The following STAU1 variants were observed in gnomAD, a reference collection of about 807,000 sequenced individuals.
The protein encoded by STAU1 is staufen double-stranded RNA binding protein 1, also known as double-stranded RNA-binding protein Staufen homolog 1.
STAU1 carries 13 observed loss-of-function variants against 62.9 expected under a neutral mutation model. The observed-to-expected ratio is 0.21, with a 90% CI of 0.13 to 0.33. STAU1 has a LOEUF of 0.33. Among genes scored for constraint, STAU1 ranks in the 10% least tolerant of loss-of-function variants. The probability of loss-of-function intolerance (pLI) is 1.00; values close to 1 mark genes in which losing one functional copy is unlikely to be tolerated. For missense variants in STAU1, 571 were observed against 712.1 expected, an observed-to-expected ratio of 0.80 and a Z score of 2.25; for synonymous variants, 269 against 265.1, an observed-to-expected ratio of 1.01 and a Z score of -0.14.
At chr20:49,134,229 C>T (rs576580590) in intron 6 of STAU1, among the ~76,000 whole-genome samples, 2 of 151,922 alleles carry the variant, frequency 1.3e-5, no homozygotes, top group Admixed American at 6.6e-5. Flanking sequence ...GTTAGGAGTT[C>T]GAGACCAGCC....
At chr20:49,188,373 G>A (rs1417996330), upstream of STAU1, 1 of 151,956 alleles carries the variant, frequency 6.6e-6, no homozygotes, top group African/African-American at 2.4e-5. Context: ...GAAGTGACGG[G>A]GGAGGGGCAG....
chr20:49,169,081 C>T (rs1002613183), intron 2 of STAU1, among the ~76,000 whole-genome samples: 1 of 151,690 alleles, frequency 6.6e-6, no homozygotes, highest in African/African-American at 2.4e-5. Context: ...CTCCCGAGTA[C>T]TTAGGATTAC....
intron 1 of STAU1, among the ~76,000 whole-genome samples, chr20:49,175,546 G>A (rs1166530187): frequency 1.3e-5 from 2 of 150,574 alleles, no homozygotes; most frequent in African/African-American, 4.9e-5. Context: ...GTGGCGTGAT[G>A]TCGGCTCCCT....
chr20:49,163,279 TTTTA>T (rs1249648743), intron 3 of STAU1, among the ~76,000 whole-genome samples: 3 of 152,158 alleles, frequency 2.0e-5, no homozygotes, highest in African/African-American at 7.2e-5. Context: ...AGAATATTGT[TTTTA>T]TTTATTATCC....
the STAU1 span, among the ~76,000 whole-genome samples, chr20:49,199,060 C>T: frequency 6.6e-6 from 1 of 150,826 alleles, no homozygotes; most frequent in African/African-American, 2.4e-5. Context: ...GCAGGAGAAT[C>T]ACTTGAACCC....
In STAU1 at chr20:49,142,423, C is replaced by T. The variant is rs1005564346; in HGVS notation, c.511-6492G>A. Among the ~76,000 whole-genome samples, 9 of 152,216 alleles carry T rather than the reference C, an allele frequency of 5.9e-5. No homozygotes were observed. The South Asian group carries it at 1.5e-3, about 25-fold the overall frequency. The stretch of plus-strand genomic sequence containing the variant: ...TTTTTTAAATAACAATTTATACTAA[C>T]GAAATGCTCCTTTTCTATTTTATAT... On this transcript the variant is annotated intron_variant, in intron 5 of 13. Coordinates refer to ENST00000371856, the MANE Select transcript of STAU1 (RefSeq NM_017453.4).
intron 1 of STAU1, among the ~76,000 whole-genome samples, chr20:49,177,673 C>T (rs140445286): frequency 0.011 from 1,673 of 151,162 alleles, 14 homozygotes; most frequent in Non-Finnish European, 0.018. Context: ...AGTGAGACTC[C>T]GTCTCAAAAA....
At chr20:49,120,225 G>C (rs2092434298) in intron 8 of STAU1, 97 bp from the exon 9 acceptor site, 1 of 1,419,918 alleles carries the variant, frequency 7.0e-7, no homozygotes, top group African/African-American at 1.4e-5. Flanking sequence ...ACTATGGTCA[G>C]AAGCAAGATA....
intron 6 of STAU1, among the ~76,000 whole-genome samples, chr20:49,127,707 AAAAC>A (rs1334377437): frequency 6.6e-6 from 1 of 151,810 alleles, no homozygotes; most frequent in East Asian, 1.9e-4. Context: ...CTTTGTCTAA[AAAAC>A]AAAAAAAACT....
the STAU1 span, among the ~76,000 whole-genome samples, chr20:49,208,680 C>T: frequency 8.7e-5 from 13 of 149,796 alleles, no homozygotes; most frequent in African/African-American, 2.5e-5. Context: ...AGTACAGTGG[C>T]GTGATCTCGG....
In STAU1 at chr20:49,124,421, T is replaced by C; in HGVS notation, c.776A>G (p.Glu259Gly). 6.2e-7 allele frequency: 1 copy of C among 1,614,202 alleles called. No homozygotes were observed. Among genetic ancestry groups the C allele is most frequent in the Non-Finnish European group, 8.5e-7 (1 of 1,180,034 alleles). Residue 259 changes from glutamate (E) to glycine (G), a missense_variant, in exon 7 of 14, where the codon GAA becomes GGA. Transcript: ENST00000371856. ...LKKLPPLPAV[E>G]RVKPRIKKKT... ...CTTTTTGATTCTAGGCTTTACTCGT[T>C]CAACTGCAGGCAGGGGCGGTAACTT...
At chr20:49,186,120 G>A (rs1307430975) in intron 1 of STAU1, among the ~76,000 whole-genome samples, 4 of 152,064 alleles carry the variant, frequency 2.6e-5, no homozygotes, top group Admixed American at 1.3e-4. Context: ...GGCCTAGGAG[G>A]GTGGATCACG....
At chr20:49,179,173 G>A (rs2146556093) in intron 1 of STAU1, 1 of 151,510 alleles carries the variant, frequency 6.6e-6, no homozygotes, top group Admixed American at 6.6e-5. Flanking sequence ...CTTGAACCTG[G>A]GAGGTGGAGG....
At chr20:49,218,386 G>A in the STAU1 span, among the ~76,000 whole-genome samples, 2 of 151,524 alleles carry the variant, frequency 1.3e-5, no homozygotes, top group African/African-American at 2.4e-5. Context: ...CACCACGCCC[G>A]GCTAATTTTT....
At chr20:49,146,532 T>C (rs1762391743) in intron 5 of STAU1, among the ~76,000 whole-genome samples, 1 of 151,764 alleles carries the variant, frequency 6.6e-6, no homozygotes, top group African/African-American at 2.4e-5. Flanking sequence ...CAAAACCCCA[T>C]CTCTACAAAA....
chr20:49,203,140 G>A, the STAU1 span, among the ~76,000 whole-genome samples: 1 of 151,960 alleles, frequency 6.6e-6, no homozygotes, highest in Non-Finnish European at 1.5e-5. Context: ...ACATATCAAT[G>A]AGGGGTGGGC....
At chr20:49,125,726 T>C (rs1345992028) in intron 6 of STAU1, among the ~76,000 whole-genome samples, 2 of 151,910 alleles carry the variant, frequency 1.3e-5, no homozygotes, top group East Asian at 1.9e-4. Context: ...CAGGCGCCTG[T>C]AGTCCCAGCT....
chr20:49,202,638 T>C, the STAU1 span, among the ~76,000 whole-genome samples: 1 of 151,724 alleles, frequency 6.6e-6, no homozygotes, highest in Non-Finnish European at 1.5e-5. Flanking sequence ...TTTCTAGCAC[T>C]TTGGGAGGCT....
chr20:49,121,010 G>A (rs1337396579), intron 8 of STAU1, among the ~76,000 whole-genome samples: 1 of 152,150 alleles, frequency 6.6e-6, no homozygotes, highest in East Asian at 1.9e-4. Flanking sequence ...GGTCAGGCTG[G>A]TCTCGAACCC....
Sources: gnomAD v4.1 joint callset for allele counts (sites outside exome capture counted in the v4.1 genomes callset) on GRCh38, gnomAD v4.1.1 for gene constraint, MANE v1.5 for transcripts, NCBI Gene and HGNC (gene_info 2026-07-23, HGNC 2026-07-21) for gene names.